Variants in DGKI observed in about 807,000 individuals in gnomAD.
DGKI encodes the protein DAG kinase iota.
In DGKI, 55 loss-of-function variants were observed where a neutral mutation model predicts 147.5. The observed-to-expected ratio is 0.37, with a 90% confidence interval of 0.30 to 0.47. DGKI has a LOEUF of 0.47. Among genes scored for constraint, DGKI ranks in the 20% least tolerant of loss-of-function variants. The pLI, the probability that DGKI is intolerant of heterozygous loss-of-function variation, is 1.00. For synonymous variants in DGKI, 469 were observed against 477.1 expected (o/e 0.98, Z 0.22); for missense variants, 1,007 against 1,323.8 (o/e 0.76, Z 3.71).
chr7:137,830,902 A>G (rs1032300855), intron 1 of DGKI, among the ~76,000 whole-genome samples: 1 of 152,176 alleles, frequency 6.6e-6, no homozygotes, highest in African/African-American at 2.4e-5. Flanking sequence ...GACTCCATCA[A>G]TTATAGCCCT....
chr7:137,578,943 A>T (rs1819080424), intron 15 of DGKI, among the ~76,000 whole-genome samples: 1 of 152,206 alleles, frequency 6.6e-6, no homozygotes, highest in South Asian at 2.1e-4. Flanking sequence ...AATACAATAT[A>T]TGTAGTTATG....
At chr7:137,710,803 TTC>T (rs779344789) in intron 1 of DGKI, among the ~76,000 whole-genome samples, 1 of 152,074 alleles carries the variant, frequency 6.6e-6, no homozygotes, top group South Asian at 2.1e-4. Context: ...AATTAAATAA[TTC>T]TGTTCATCAA....
intron 1 of DGKI, chr7:137,771,876 T>G (rs1392504778): frequency 6.6e-6 from 1 of 152,200 alleles, no homozygotes; most frequent in African/African-American, 2.4e-5. Context: ...AAGATGACAC[T>G]GTTCTTGGGA....
chr7:137,764,944 C>G (rs555169976), intron 1 of DGKI, among the ~76,000 whole-genome samples: 18 of 152,268 alleles, frequency 1.2e-4, no homozygotes, highest in African/African-American at 4.3e-4. Flanking sequence ...ACAGGGGCTT[C>G]CAGGGTAACT....
intron 1 of DGKI, among the ~76,000 whole-genome samples, chr7:137,790,231 A>AACAC (rs137932599): frequency 0.011 from 1,636 of 143,784 alleles, 11 homozygotes; most frequent in East Asian, 0.019. Context: ...GTGTATTACC[A>AACAC]ACACACACAC....
At chr7:137,537,482 C>T (rs1817558519) in intron 20 of DGKI, among the ~76,000 whole-genome samples, 1 of 152,060 alleles carries the variant, frequency 6.6e-6, no homozygotes, top group South Asian at 2.1e-4. Flanking sequence ...TATCGATAAT[C>T]CTACAATTCA....
intron 3 of DGKI, among the ~76,000 whole-genome samples, chr7:137,669,353 G>A (rs1822761138): frequency 1.3e-5 from 2 of 152,212 alleles, no homozygotes; most frequent in South Asian, 4.1e-4. Flanking sequence ...TGCAAATAAT[G>A]CTTCCATCAA....
intron 13 of DGKI, 84 bp downstream of exon 13, chr7:137,587,013 C>T: frequency 3.0e-6 from 3 of 984,568 alleles, no homozygotes; most frequent in Non-Finnish European, 2.9e-6. Context: ...GCAGCAGTAC[C>T]CCCCTCTTCC....
At chr7:137,754,516 T>C (rs1028118227) in intron 1 of DGKI, among the ~76,000 whole-genome samples, 6 of 152,186 alleles carry the variant, frequency 3.9e-5, no homozygotes, top group African/African-American at 1.4e-4. Context: ...AAGGGACGTT[T>C]GTTTTACCCT....
chr7:137,503,847 T>C (rs758767570), intron 21 of DGKI, among the ~76,000 whole-genome samples: 1 of 152,168 alleles, frequency 6.6e-6, no homozygotes, highest in Non-Finnish European at 1.5e-5. Flanking sequence ...CCTCTAAGCC[T>C]TATTTAATTC....
At chr7:137,422,766 G>A (rs778865666) in intron 28 of DGKI, among the ~76,000 whole-genome samples, 6 of 151,434 alleles carry the variant, frequency 4.0e-5, no homozygotes, top group East Asian at 1.9e-4. Context: ...CACCACACCT[G>A]GCTAATTTTT....
intron 1 of DGKI, among the ~76,000 whole-genome samples, chr7:137,696,824 T>C (rs1194386435): frequency 3.3e-5 from 5 of 152,138 alleles, no homozygotes; most frequent in Non-Finnish European, 7.3e-5. Context: ...TATTTTAAGA[T>C]AGGGTCTTTA....
intron 28 of DGKI, among the ~76,000 whole-genome samples, chr7:137,425,481 A>C (rs1812761750): frequency 1.3e-5 from 2 of 152,196 alleles, no homozygotes; most frequent in Admixed American, 1.3e-4. Context: ...AAACTCTAAA[A>C]AGCAGAGCGC....
intron 1 of DGKI, among the ~76,000 whole-genome samples, chr7:137,730,225 T>C (rs1215970551): frequency 2.0e-5 from 3 of 152,068 alleles, no homozygotes; most frequent in African/African-American, 7.2e-5. Flanking sequence ...GTCCTGGATA[T>C]CCCACAACAA....
Position 137,384,938 on chromosome 7 carries a change from T to C in DGKI, c.*6282A>G, listed in dbSNP as rs1489422733. 6.6e-6 allele frequency: 1 copy of C among 152,136 alleles called. No homozygotes were observed. Among genetic ancestry groups the C allele is most frequent in the Non-Finnish European group, 1.5e-5 (1 of 67,994 alleles). The allele number at this position is 152,136 out of a possible 1,614,324, so 9.4% of individuals were successfully genotyped here. On this transcript the variant is annotated 3_prime_UTR_variant, in exon 33 of 33. Coordinates refer to ENST00000614521, the MANE Select transcript of DGKI (RefSeq NM_001321708.2). ...ATTTCCATGGGTAGGACCTCCCTTG[T>C]GGTTGCCACGCTGGTGGCAGAAGCC... is the stretch of plus-strand genomic sequence containing the variant.
At chr7:137,423,484 T>C (rs1307123789) in intron 28 of DGKI, among the ~76,000 whole-genome samples, 1 of 152,224 alleles carries the variant, frequency 6.6e-6, no homozygotes, top group Non-Finnish European at 1.5e-5. Context: ...GGATGGTTAC[T>C]GGTTTTACCA....
chr7:137,565,050 T>C (rs1818538407), intron 19 of DGKI, among the ~76,000 whole-genome samples: 1 of 152,238 alleles, frequency 6.6e-6, no homozygotes, highest in African/African-American at 2.4e-5. Flanking sequence ...GGCTTCAAAA[T>C]GCTTATGTCA....
chr7:137,474,438 A>G (rs545741361), intron 23 of DGKI, among the ~76,000 whole-genome samples: 2 of 152,324 alleles, frequency 1.3e-5, no homozygotes, highest in African/African-American at 2.4e-5. Flanking sequence ...AAATCCAGGT[A>G]CGAAGCATAA....
chr7:137,400,696 T>C (rs550629901), intron 30 of DGKI, among the ~76,000 whole-genome samples: 1 of 152,050 alleles, frequency 6.6e-6, no homozygotes, highest in Admixed American at 6.5e-5. Flanking sequence ...CTGACAGAGG[T>C]GAGAGGCAGA....
Sources: allele counts gnomAD v4.1 joint callset (sites outside exome capture counted in the v4.1 genomes callset), GRCh38; gene constraint gnomAD v4.1.1; transcripts MANE v1.5; gene names NCBI Gene and HGNC (gene_info 2026-07-23, HGNC 2026-07-21).